The following UMODL1 variants were observed in gnomAD, a reference collection of about 807,000 sequenced individuals.
The protein encoded by UMODL1 is uromodulin-like 1.
In UMODL1, 128 loss-of-function variants were observed where a neutral mutation model predicts 136.3. The ratio of observed to expected loss-of-function variants is 0.94; its 90% CI spans 0.81 to 1.09. The LOEUF is 1.09. Among genes scored for constraint, UMODL1 ranks in the 50% least tolerant of loss-of-function variants. The probability of loss-of-function intolerance (pLI) is 0.00; values close to 1 mark genes in which losing one functional copy is unlikely to be tolerated. For synonymous variants in UMODL1, 721 were observed against 720.0 expected, an observed-to-expected ratio of 1.00 and a Z score of -0.02; for missense variants, 1,766 against 1,725.6, an observed-to-expected ratio of 1.02 and a Z score of -0.41.
intron 5 of UMODL1, among the ~76,000 whole-genome samples, chr21:42,089,978 T>G (rs1395241587): frequency 6.6e-6 from 1 of 152,294 alleles, no homozygotes; most frequent in Non-Finnish European, 1.5e-5. Flanking sequence ...TGGGGTGGGA[T>G]GTTTTGGCCC....
intron 6 of UMODL1, among the ~76,000 whole-genome samples, chr21:42,093,144 T>C (rs1178410992): frequency 1.3e-5 from 2 of 152,256 alleles, no homozygotes; most frequent in African/African-American, 2.4e-5. Context: ...ATTATTTTAT[T>C]TGGCGTTCTA....
At position 42,125,378 on chromosome 21, in the gene UMODL1, C is replaced by T. The variant is rs114878619; in HGVS notation, c.3148-967C>T. 3.5e-3 allele frequency among the ~76,000 whole-genome samples: 527 copies of T among 152,188 alleles called. 2 individuals are homozygous for T. The highest frequency in any genetic ancestry group is 0.012 in the African/African-American group (498 of 41,514). ...CAGGAAGCTGAGGGATTCACGTGGA[C>T]GCGTCGGAGGCCATTGCAGAGCACA... On this transcript the variant is annotated intron_variant, in intron 17 of 22. Transcript: ENST00000408910.
At chr21:42,093,629 C>G in intron 6 of UMODL1, 1 of 254,320 alleles carries the variant, frequency 3.9e-6, no homozygotes, top group Non-Finnish European at 7.9e-6. Context: ...GATCTTCCCC[C>G]CATCACCAGG....
chr21:42,081,085 G>T (rs1427581892), intron 2 of UMODL1, among the ~76,000 whole-genome samples: 2 of 152,206 alleles, frequency 1.3e-5, no homozygotes, highest in African/African-American at 4.8e-5. Context: ...TAACTCCAGT[G>T]ACACCCCAGC....
At chr21:42,064,626 G>A (rs1337205683) in intron 1 of UMODL1, among the ~76,000 whole-genome samples, 4 of 150,856 alleles carry the variant, frequency 2.7e-5, no homozygotes, top group East Asian at 2.0e-4. Context: ...GTGTGATCTC[G>A]GCGCACTGCA....
At position 42,113,619 on chromosome 21, in the gene UMODL1, C is replaced by T. The variant is rs760339411; in HGVS notation, c.2151C>T (p.Thr717=). 3.2e-5 allele frequency: 52 copies of T among 1,613,966 alleles called. No homozygotes were observed. Among genetic ancestry groups the T allele is most frequent in the Middle Eastern group, 1.6e-4 (1 of 6,084 alleles). Residue 717 remains threonine (T), a synonymous_variant, in exon 13 of 23, where the codon ACC becomes ACT. Coordinates refer to ENST00000408910, the MANE Select transcript of UMODL1 (RefSeq NM_001004416.3). ...GRIMVSNVTS[T]GFHLAWEADL... ...TCATGGTCTCCAATGTGACCAGCACCGGCTTCCACCTGGCATGGGAGGCGG... is the reference window on the plus strand; with the variant it reads ...TCATGGTCTCCAATGTGACCAGCACTGGCTTCCACCTGGCATGGGAGGCGG...
chr21:42,116,040 TG>T (rs1312074420), intron 14 of UMODL1, 55 bp downstream of exon 14: 2 of 1,488,614 alleles, frequency 1.3e-6, no homozygotes, highest in East Asian at 4.6e-5. Context: ...GGTGGAAGGC[TG>T]ATAGAATTCT....
At chr21:42,081,253 G>A (rs540629276) in intron 2 of UMODL1, among the ~76,000 whole-genome samples, 2 of 152,180 alleles carry the variant, frequency 1.3e-5, no homozygotes, top group Admixed American at 6.5e-5. Context: ...AAGAGGCCCC[G>A]AGGAAGGAGG....
intron 1 of UMODL1, among the ~76,000 whole-genome samples, chr21:42,065,641 G>A (rs546653966): frequency 3.3e-5 from 5 of 151,722 alleles, no homozygotes; most frequent in South Asian, 4.2e-4. Context: ...TGGTTCAAGC[G>A]ATTCTCCTGC....
chr21:42,102,242 GGA>G lies in UMODL1; in HGVS notation c.1265_1266del (p.Glu422ValfsTer6). On this transcript the variant is annotated frameshift_variant, in exon 8 of 23. Coordinates refer to ENST00000408910, the MANE Select transcript of UMODL1 (RefSeq NM_001004416.3). LOFTEE classifies it high-confidence loss of function. ...TEKLLNRSSVEYQDFSRQLLH... is the reference protein window; with the variant it reads ...TEKLLNRSSVXYQDFSRQLLH... ...AGAAGTTACTCAACCGCAGCAGTGT[GGA>G]GTACCAGGACTTTTCTAGACAACTG... 6.2e-7 allele frequency: 1 copy of G among 1,613,646 alleles called. No individual in the cohort carries two copies. The highest frequency in any genetic ancestry group is 8.5e-7 in the Non-Finnish European group (1 of 1,179,754).
chr21:42,120,396 C>T (rs1420827068), intron 15 of UMODL1: 2 of 152,236 alleles, frequency 1.3e-5, no homozygotes, highest in African/African-American at 2.4e-5. Flanking sequence ...AGATGTTCAT[C>T]TTCAGTGTTA....
At chr21:42,112,984 A>G (rs220137) in intron 12 of UMODL1, 116,376 of 152,642 alleles carry the variant, frequency 0.76, 44,999 homozygotes, top group East Asian at 0.86. Flanking sequence ...GTTGGATCTC[A>G]GCCGTGACAG....
intron 22 of UMODL1, among the ~76,000 whole-genome samples, chr21:42,138,524 G>C (rs548743785): frequency 1.3e-5 from 2 of 152,110 alleles, no homozygotes; most frequent in Non-Finnish European, 2.9e-5. Flanking sequence ...AGTATGGTTA[G>C]TATAAACCTT....
intron 8 of UMODL1, chr21:42,102,868 CG>C (rs2066654200): frequency 6.5e-6 from 1 of 152,762 alleles, no homozygotes; most frequent in Non-Finnish European, 1.5e-5. Flanking sequence ...GGGCCAGAGA[CG>C]GAAGACTGTA....
rs377170083 is a variant in UMODL1 at position 42,130,245 on chromosome 21, T to TGTGTGTGTGC, written c.3775+449_3775+450insTGTGTGTGCG. Among the ~76,000 whole-genome samples, 971 of 151,962 alleles carry TGTGTGTGTGC rather than the reference T, an allele frequency of 6.4e-3. 15 individuals are homozygous for TGTGTGTGTGC. Among genetic ancestry groups the TGTGTGTGTGC allele is most frequent in the East Asian group, 0.019 (99 of 5,172 alleles). On this transcript the variant is annotated intron_variant, in intron 21 of 22. Transcript: ENST00000408910. The stretch of plus-strand genomic sequence containing the variant: ...ACGTGTGTGTGTGTGTGTGTGTGTG[T>TGTGTGTGTGC]GCGTGCACACGAATGTGCATGCACA...
At chr21:42,079,400 T>C (rs1247755309) in intron 2 of UMODL1, among the ~76,000 whole-genome samples, 3 of 152,242 alleles carry the variant, frequency 2.0e-5, no homozygotes, top group Non-Finnish European at 4.4e-5. Context: ...ACCAGGGCGA[T>C]GCCCTTGCAG....
At chr21:42,097,122 A>G (rs1406151894) in intron 6 of UMODL1, among the ~76,000 whole-genome samples, 1 of 152,234 alleles carries the variant, frequency 6.6e-6, no homozygotes, top group African/African-American at 2.4e-5. Flanking sequence ...TAAAGAATGA[A>G]TCCATGTCTG....
intron 6 of UMODL1, chr21:42,093,547 C>T: frequency 4.9e-6 from 1 of 205,704 alleles, no homozygotes; most frequent in Non-Finnish European, 1.0e-5. Flanking sequence ...TTCTCGTTGT[C>T]CTGTGGGCGA....
intron 6 of UMODL1, chr21:42,093,583 C>T (rs1431824340): frequency 4.4e-6 from 1 of 227,814 alleles, no homozygotes; most frequent in East Asian, 1.3e-4. Context: ...GACCAGTTCC[C>T]AGAGCCAGCT....
Sources: allele counts gnomAD v4.1 joint callset (sites outside exome capture counted in the v4.1 genomes callset), GRCh38; gene constraint gnomAD v4.1.1; transcripts MANE v1.5; gene names NCBI Gene and HGNC (gene_info 2026-07-23, HGNC 2026-07-21).